The following ZC3H4 variants were observed in gnomAD, a reference collection of about 807,000 sequenced individuals.
ZC3H4 encodes the protein zinc finger CCCH domain-containing protein 4.
Under a neutral mutation model 108.3 loss-of-function variants are expected in ZC3H4, and 13 were observed. The observed-to-expected ratio is 0.12, with a 90% confidence interval of 0.08 to 0.19. The LOEUF is 0.19. ZC3H4 is among the 10% of genes least tolerant of loss of function. The pLI, the probability that ZC3H4 is intolerant of heterozygous loss-of-function variation, is 1.00. For missense variants in ZC3H4, 1,734 were observed against 1,838.8 expected, an observed-to-expected ratio of 0.94 and a Z score of 1.04; for synonymous variants, 917 against 749.6, an observed-to-expected ratio of 1.22 and a Z score of -3.65.
intron 4 of ZC3H4, among the ~76,000 whole-genome samples, chr19:47,093,570 G>A (rs1195708694): frequency 6.6e-6 from 1 of 152,140 alleles, no homozygotes; most frequent in African/African-American, 2.4e-5. Context: ...TTACTTCAGA[G>A]AGCTGGGCAA....
intron 2 of ZC3H4, among the ~76,000 whole-genome samples, chr19:47,095,548 CGT>C (rs1568560629): frequency 6.6e-6 from 1 of 152,164 alleles, no homozygotes; most frequent in African/African-American, 2.4e-5. Flanking sequence ...CCAATTCCCC[CGT>C]GTCACCCCAA....
At position 47,066,543 on chromosome 19, in the gene ZC3H4, G is replaced by A. The variant is rs765993888; in HGVS notation, c.3725C>T (p.Pro1242Leu). ...TTATPPPEGA[P>L]PQPGVHNLPV... is the part of the protein sequence containing the mutation. ...CAGGTTGTGCACCCCGGGCTGGGGT[G>A]GGGCACCCTCGGGGGGTGGGGTGGC... Residue 1242 changes from proline (P) to leucine (L), a missense_variant, in exon 15 of 15, where the codon CCA becomes CTA. Physicochemically the swap from Pro to Leu is moderately conservative, Grantham distance 98. Around this residue, in one of 9 missense-constraint regions of ZC3H4, gnomAD observed 518 missense variants for 499.6 expected, o/e 1.04. Coordinates refer to ENST00000253048, the MANE Select transcript of ZC3H4 (RefSeq NM_015168.2). The A allele has an allele frequency of 1.4e-5, 22 of 1,572,288 alleles. No homozygotes were observed. Among genetic ancestry groups the A allele is most frequent in the Admixed American group, 1.1e-4 (6 of 57,126 alleles).
At chr19:47,074,006 G>A (rs1003573703) in intron 11 of ZC3H4, among the ~76,000 whole-genome samples, 4 of 152,100 alleles carry the variant, frequency 2.6e-5, no homozygotes, top group Non-Finnish European at 5.9e-5. Context: ...GGTATCTGGG[G>A]ACGACTGGGT....
intron 11 of ZC3H4, among the ~76,000 whole-genome samples, chr19:47,074,957 C>G (rs1049049679): frequency 6.6e-6 from 1 of 152,146 alleles, no homozygotes; most frequent in South Asian, 2.1e-4. Context: ...TCTTGGGGAC[C>G]CCAGCACAGA....
rs2057525268 is a variant in ZC3H4 at position 47,081,617 on chromosome 19, A to C, written c.1336T>G (p.Phe446Val). 1 of 1,613,978 alleles carries C rather than the reference A, an allele frequency of 6.2e-7. No homozygotes were observed. Among genetic ancestry groups the C allele is most frequent in the Non-Finnish European group, 8.5e-7 (1 of 1,179,818 alleles). ...AENCPYMHGD[F>V]PCKLYHTTGN... ...GTGGTGTGGTACAGCTTACACGGGAAATCACGTTCATGGCAAATTAAGGTA... is the reference window on the plus strand; with the variant it reads ...GTGGTGTGGTACAGCTTACACGGGACATCACGTTCATGGCAAATTAAGGTA... Residue 446 changes from phenylalanine to valine, a missense_variant, in exon 11 of 15, where the codon TTC (phenylalanine) becomes GTC (valine). Transcript: ENST00000253048.
rs1037042473 is a variant in ZC3H4, at chr19:47,066,586, C to T, written c.3682G>A (p.Ala1228Thr). ...GGGGTGGCGGTGGTGGCAGCGGGGGCTGCAGCAGCCTTGGGCCGGGGCCGG... is the reference window on the plus strand; with the variant it reads ...GGGGTGGCGGTGGTGGCAGCGGGGGTTGCAGCAGCCTTGGGCCGGGGCCGG... ...YNRPRPKAAAAPAATTATPPP... is the reference protein window; with the variant it reads ...YNRPRPKAAATPAATTATPPP... Residue 1228 changes from alanine (A) to threonine (T), a missense_variant, in exon 15 of 15, where the codon GCC (alanine) becomes ACC (threonine). Physicochemically the swap from Ala to Thr is moderately conservative, Grantham distance 58. Transcript: ENST00000253048. 1 of 1,596,260 alleles carries T rather than the reference C, an allele frequency of 6.3e-7. No homozygotes were observed. Among genetic ancestry groups the T allele is most frequent in the Non-Finnish European group, 8.5e-7 (1 of 1,170,846 alleles).
rs2057337381 is a variant in ZC3H4, at chr19:47,072,012, G to C, written c.1912C>G (p.Pro638Ala). The change falls in exon 13 of 15, where the codon CCG becomes GCG. Residue 638 changes from proline (P) to alanine (A), a missense_variant. Coordinates refer to ENST00000253048, the MANE Select transcript of ZC3H4 (RefSeq NM_015168.2). This position sits in a 1 kb window ranked among gnomAD's most constrained non-coding sequence, Gnocchi z 5.6. ...MHPDMHPDMH[P>A]DMHPDMHADM... Reference sequence around the variant, plus strand: ...GCGTGCATGTCAGGGTGCATGTCCGGGTGCATGTCGGGGTGCATGTCAGGA... The same window carrying C: ...GCGTGCATGTCAGGGTGCATGTCCGCGTGCATGTCGGGGTGCATGTCAGGA... 6.3e-7 allele frequency: 1 copy of C among 1,591,988 alleles called. No homozygotes were observed. The highest frequency in any genetic ancestry group is 1.3e-5 in the African/African-American group (1 of 74,552).
chr19:47,087,238 T>C (rs1029742958), intron 5 of ZC3H4, among the ~76,000 whole-genome samples: 3 of 150,966 alleles, frequency 2.0e-5, no homozygotes, highest in African/African-American at 7.3e-5. Flanking sequence ...AATGCGCCAC[T>C]GCACTCCAGC....
intron 2 of ZC3H4, among the ~76,000 whole-genome samples, chr19:47,097,281 A>G (rs1568562180): frequency 6.6e-6 from 1 of 152,216 alleles, no homozygotes; most frequent in Non-Finnish European, 1.5e-5. Context: ...GTTTCCCTAA[A>G]GTTGAGAGAG....
rs1452197187 is a variant in ZC3H4 at position 47,074,087 on chromosome 19, T to C, written c.1441-1374A>G. 3.3e-5 allele frequency among the ~76,000 whole-genome samples: 5 copies of C among 152,262 alleles called. No individual in the cohort carries two copies. The East Asian group carries it at 9.7e-4, about 29-fold the overall frequency. ...CCCCAACCACCCAGCCTCGTTTCAG[T>C]GCAATGAGCAGCCAAGCTCTCCCCT... On this transcript the variant is annotated intron_variant, in intron 11 of 14. Transcript: ENST00000253048.
intron 7 of ZC3H4, 27 bp downstream of exon 7, chr19:47,085,291 G>A: frequency 1.5e-6 from 2 of 1,346,202 alleles, no homozygotes; most frequent in Non-Finnish European, 2.0e-6. Flanking sequence ...GCCCCACCCA[G>A]CGTGTCCTCT....
At chr19:47,108,792 C>G (rs1163746547) in intron 2 of ZC3H4, among the ~76,000 whole-genome samples, 2 of 152,070 alleles carry the variant, frequency 1.3e-5, no homozygotes, top group Non-Finnish European at 2.9e-5. Flanking sequence ...ACCTTCAGAG[C>G]AGAGCAAAAT....
rs2057186273 is a variant in ZC3H4, at chr19:47,065,921, G to T, written c.*435C>A. On this transcript the variant is annotated 3_prime_UTR_variant, in exon 15 of 15. Coordinates refer to ENST00000253048, the MANE Select transcript of ZC3H4 (RefSeq NM_015168.2). Reference sequence around the variant, plus strand: ...GGCCCTGCCATGGTCTTGGTTCCGGGTCTCTTCGGGCACAGGGTGAGGAGC... The same window carrying T: ...GGCCCTGCCATGGTCTTGGTTCCGGTTCTCTTCGGGCACAGGGTGAGGAGC... 1 of 157,026 alleles carries T rather than the reference G, an allele frequency of 6.4e-6. No individual in the cohort carries two copies. The highest frequency in any genetic ancestry group is 6.5e-5 in the Admixed American group (1 of 15,456). 9.7% of individuals were successfully genotyped at this position (157,026 alleles called of 1,614,324 possible).
rs2057793057 is a variant in ZC3H4 at position 47,094,674 on chromosome 19, C to G, written c.162-66G>C. ...AGAGGAGACCTCCTAGGGCTCTGGG[C>G]TGGCCAAGGCTGACAGGAACCGAAG... On this transcript the variant is annotated intron_variant, in intron 2 of 14. Transcript: ENST00000253048. 6.5e-6 allele frequency: 10 copies of G among 1,538,642 alleles called. No individual in the cohort carries two copies. In the South Asian group the frequency reaches 1.2e-4, roughly 18 times the overall value.
At position 47,067,081 on chromosome 19, in the gene ZC3H4, C is replaced by T. The variant is rs776347561; in HGVS notation, c.3187G>A (p.Gly1063Ser). 7 of 1,608,642 alleles carry T rather than the reference C, an allele frequency of 4.4e-6. No homozygotes were observed. The highest frequency in any genetic ancestry group is 1.7e-4 in the Middle Eastern group (1 of 5,992). Reference protein sequence around the residue: ...VNATGSSAAPGSSDKPSDPRV... With the variant: ...VNATGSSAAPSSSDKPSDPRV... ...GGGTCACTGGGTTTGTCGCTGGAAC[C>T]GGGGGCGGCCGAGGAGCCGGTGGCA... The change falls in exon 15 of 15, where the codon GGT (glycine) becomes AGT (serine). Residue 1063 changes from glycine to serine, a missense_variant. Gly to Ser is a moderately conservative substitution (Grantham distance 56, BLOSUM62 0). This residue lies in a region of ZC3H4 where 518 missense variants were observed against 499.6 expected (regional missense o/e 1.04). Transcript: ENST00000253048. This position sits in a 1 kb window ranked among gnomAD's most constrained non-coding sequence, Gnocchi z 6.4.
chr19:47,067,303 T>G lies in ZC3H4; in HGVS notation c.2965A>C (p.Ile989Leu), dbSNP rs764689178. The G allele has an allele frequency of 1.9e-5, 30 of 1,590,436 alleles. No homozygotes were observed. Among genetic ancestry groups the G allele is most frequent in the African/African-American group, 2.7e-5 (2 of 74,192 alleles). Residue 989 changes from isoleucine (I) to leucine (L), a missense_variant, in exon 15 of 15, where the codon ATC becomes CTC. Coordinates refer to ENST00000253048, the MANE Select transcript of ZC3H4 (RefSeq NM_015168.2). This position sits in a 1 kb window ranked among gnomAD's most constrained non-coding sequence, Gnocchi z 6.4. ...GGGGGCACTGCGTCCTGCTTGGGGA[T>G]GGGTAGGGGGATCAGGTCCTCGGGA... is the stretch of plus-strand genomic sequence containing the variant. ...WNPEDLIPLP[I>L]PKQDAVPPVP...
chr19:47,088,001 A>G (rs555067403), intron 5 of ZC3H4, among the ~76,000 whole-genome samples: 2 of 151,258 alleles, frequency 1.3e-5, no homozygotes, highest in East Asian at 3.9e-4. Flanking sequence ...GTGAAACCTC[A>G]TCTCTACTAA....
Position 47,065,161 on chromosome 19 carries a change from GCATGGGGGGAGCAGAGGCTCCCCATC to G in ZC3H4, c.*1169_*1194del, listed in dbSNP as rs2057177106. 1 of 152,290 alleles carries G rather than the reference GCATGGGGGGAGCAGAGGCTCCCCATC, an allele frequency of 6.6e-6. No individual in the cohort carries two copies. Among genetic ancestry groups the G allele is most frequent in the Admixed American group, 6.5e-5 (1 of 15,290 alleles). The allele number at this position is 152,290 out of a possible 1,614,324, so 9.4% of individuals were successfully genotyped here. A position where few individuals can be genotyped will look rare whatever the true frequency, so the allele number is the denominator to read the frequency against. Reference sequence around the variant, plus strand: ...AGGCTGGCCCTCAGCCAGGGTGGGAGCATGGGGGGAGCAGAGGCTCCCCATCCCCTGGCTGCAGGGTTCCCACTCAG... The same window carrying G: ...AGGCTGGCCCTCAGCCAGGGTGGGAGCCCTGGCTGCAGGGTTCCCACTCAG... On this transcript the variant is annotated 3_prime_UTR_variant, in exon 15 of 15. Coordinates refer to ENST00000253048, the MANE Select transcript of ZC3H4 (RefSeq NM_015168.2).
At chr19:47,105,615 A>G (rs1220930842) in intron 2 of ZC3H4, among the ~76,000 whole-genome samples, 1 of 152,060 alleles carries the variant, frequency 6.6e-6, no homozygotes, top group African/African-American at 2.4e-5. Flanking sequence ...ACACAAACCA[A>G]CAAAAAAACA....
Sources: gnomAD v4.1 joint callset for allele counts (sites outside exome capture counted in the v4.1 genomes callset) on GRCh38, gnomAD v4.1.1 for gene constraint, gnomAD v4.1.1 regional missense constraint, Gnocchi (gnomAD v3.1) non-coding constraint, MANE v1.5 for transcripts, NCBI Gene and HGNC (gene_info 2026-07-23, HGNC 2026-07-21) for gene names.